GRHL1: variants seen among roughly 807,000 people sequenced by gnomAD.
The protein encoded by GRHL1 is grainyhead-like protein 1 homolog.
Under a neutral mutation model 75.7 loss-of-function variants are expected in GRHL1, and 38 were observed. The ratio of observed to expected loss-of-function variants is 0.50; its 90% CI spans 0.39 to 0.66. GRHL1 has a LOEUF of 0.66. GRHL1 is among the 30% of genes least tolerant of loss of function. The pLI is 0.00. For synonymous variants in GRHL1, 266 were observed against 279.4 expected (o/e 0.95, Z 0.48); for missense variants, 589 against 767.5 (o/e 0.77, Z 2.75).
At position 9,961,374 on chromosome 2, in the gene GRHL1, A is replaced by G. The variant is rs1667264494; in HGVS notation, c.607A>G (p.Asn203Asp). 1.9e-6 allele frequency: 3 copies of G among 1,614,144 alleles called. No homozygotes were observed. Among genetic ancestry groups the G allele is most frequent in the Non-Finnish European group, 2.5e-6 (3 of 1,180,002 alleles). ...DQFSSGAQAP[N>D]AQRRTPDSTF... ...GTTCAGCTCTGGTGCTCAAGCCCCA[A>G]ATGCTCAAAGGCGAACTCCAGACTC... Residue 203 changes from asparagine (N) to aspartate (D), a missense_variant, in exon 4 of 16, where the codon AAT (asparagine) becomes GAT (aspartate). This residue lies in a region of GRHL1 where 362 missense variants were observed against 461.8 expected (regional missense o/e 0.78). Coordinates refer to ENST00000324907, the MANE Select transcript of GRHL1 (RefSeq NM_198182.3).
At chr2:9,952,199 C>T (rs1666814742) in intron 1 of GRHL1, among the ~76,000 whole-genome samples, 1 of 152,006 alleles carries the variant, frequency 6.6e-6, no homozygotes, top group African/African-American at 2.4e-5. Context: ...CGGGGCGCAG[C>T]CAACGCCCCC....
intron 8 of GRHL1, among the ~76,000 whole-genome samples, chr2:9,980,025 G>C (rs1668124476): frequency 6.6e-6 from 1 of 152,200 alleles, no homozygotes; most frequent in Non-Finnish European, 1.5e-5. Flanking sequence ...GTCTTGGTTT[G>C]TGGTGTTGAT....
chr2:9,996,880 C>A (rs1424701682), intron 14 of GRHL1, among the ~76,000 whole-genome samples: 1 of 152,144 alleles, frequency 6.6e-6, no homozygotes, highest in South Asian at 2.1e-4. Context: ...GTCCATCTTA[C>A]GAGGATCTCA....
chr2:9,967,294 T>C (rs1667533618), intron 8 of GRHL1, among the ~76,000 whole-genome samples: 1 of 152,266 alleles, frequency 6.6e-6, no homozygotes, highest in African/African-American at 2.4e-5. Context: ...TCAGGATTAA[T>C]AAGCGCTTGT....
At chr2:9,985,226 G>C (rs952239669) in intron 8 of GRHL1, among the ~76,000 whole-genome samples, 3 of 152,164 alleles carry the variant, frequency 2.0e-5, no homozygotes, top group African/African-American at 7.2e-5. Context: ...TTAAGGAATT[G>C]GATTCTTCGT....
In GRHL1 at chr2:10,001,563, G is replaced by A. The variant is rs1669269865; in HGVS notation, c.*856G>A. ...TAGAATACTGTGCTTAGTGGAACCCGCTAAAAACCTTTTTCTCTGTTTTTC... is the reference window on the plus strand; with the variant it reads ...TAGAATACTGTGCTTAGTGGAACCCACTAAAAACCTTTTTCTCTGTTTTTC... On this transcript the variant is annotated 3_prime_UTR_variant, in exon 16 of 16. Coordinates refer to ENST00000324907, the MANE Select transcript of GRHL1 (RefSeq NM_198182.3). 6.6e-6 allele frequency: 1 copy of A among 152,120 alleles called. No homozygotes were observed. The highest frequency in any genetic ancestry group is 2.1e-4 in the South Asian group (1 of 4,826). The allele number at this position is 152,120 out of a possible 1,614,324, so 9.4% of individuals were successfully genotyped here. A position where few individuals can be genotyped will look rare whatever the true frequency, so the allele number is the denominator to read the frequency against.
intron 8 of GRHL1, among the ~76,000 whole-genome samples, chr2:9,967,784 T>A (rs774932768): frequency 6.6e-6 from 1 of 152,210 alleles, no homozygotes; most frequent in Non-Finnish European, 1.5e-5. Context: ...TGCAGAATCC[T>A]GTATAGTTGG....
At chr2:9,998,864 G>GTATATATATGTACACATATATATACGTA (rs1558321748) in intron 14 of GRHL1, 101 bp from the exon 15 acceptor site, 3 of 105,620 alleles carry the variant, frequency 2.8e-5, no homozygotes, top group East Asian at 2.3e-4. Context: ...ATATATATAC[G>GTATATATATGTACACATATATATACGTA]TATATATATG....
intron 8 of GRHL1, among the ~76,000 whole-genome samples, chr2:9,966,702 A>G (rs1667509522): frequency 1.3e-5 from 2 of 152,050 alleles, no homozygotes; most frequent in Non-Finnish European, 2.9e-5. Flanking sequence ...CTGGGTCTTG[A>G]GAGCCATGTT....
chr2:10,000,584 C>A lies in GRHL1; in HGVS notation c.1743-9C>A, dbSNP rs373525606. 19 of 1,563,466 alleles carry A rather than the reference C, an allele frequency of 1.2e-5. 1 individual carries two copies. Among genetic ancestry groups the A allele is most frequent in the Admixed American group, 1.0e-4 (6 of 59,702 alleles). On this transcript the variant is annotated splice_polypyrimidine_tract_variant and intron_variant, in intron 15 of 15. Coordinates refer to ENST00000324907, the MANE Select transcript of GRHL1 (RefSeq NM_198182.3). ...GTGAAGTTGGTTGGTCTTGTCCCCC[C>A]CCATCCAGGATCCTGGTGAACATGG... is the stretch of plus-strand genomic sequence containing the variant.
At position 9,998,699 on chromosome 2, in the gene GRHL1, T is replaced by TATATATACATATATATGTACACAC. The variant is rs1558320839; in HGVS notation, c.1678-257_1678-234dup. Among the ~76,000 whole-genome samples the TATATATACATATATATGTACACAC allele has an allele frequency of 5.2e-5, 3 of 58,228 alleles. 1 individual carries two copies. Among genetic ancestry groups the TATATATACATATATATGTACACAC allele is most frequent in the East Asian group, 4.2e-4 (1 of 2,382 alleles). The allele number at this position is 58,228 out of a possible 152,430, so 38.2% of individuals were successfully genotyped here. A position where few individuals can be genotyped will look rare whatever the true frequency, so the allele number is the denominator to read the frequency against. The stretch of plus-strand genomic sequence containing the variant: ...ATATATACATATATATGTACACACA[T>TATATATACATATATATGTACACAC]ATATATACATATATATGTACACACA... On this transcript the variant is annotated intron_variant, in intron 14 of 15. Coordinates refer to ENST00000324907, the MANE Select transcript of GRHL1 (RefSeq NM_198182.3).
chr2:9,994,823 G>A (rs1668786076), intron 12 of GRHL1, among the ~76,000 whole-genome samples: 1 of 152,106 alleles, frequency 6.6e-6, no homozygotes. Context: ...GTAGCCAGGC[G>A]TTCGTTCGAT....
intron 8 of GRHL1, among the ~76,000 whole-genome samples, chr2:9,982,562 C>T (rs1445172903): frequency 3.3e-5 from 5 of 152,196 alleles, no homozygotes; most frequent in Non-Finnish European, 7.3e-5. Flanking sequence ...GATTCTGAAA[C>T]TTTAGTGTGC....
At chr2:9,988,756 T>C (rs113801100) in intron 9 of GRHL1, among the ~76,000 whole-genome samples, 99 of 152,320 alleles carry the variant, frequency 6.5e-4, no homozygotes, top group African/African-American at 2.3e-3. Context: ...TGTTCTTTAG[T>C]TGCCTGCTGG....
In GRHL1 at chr2:9,978,679, T is replaced by C. The variant is rs138211570; in HGVS notation, c.1111-7445T>C. 3.9e-5 allele frequency among the ~76,000 whole-genome samples: 6 copies of C among 152,274 alleles called. No homozygotes were observed. In the East Asian group the frequency reaches 9.7e-4, roughly 24 times the overall value. On this transcript the variant is annotated intron_variant, in intron 8 of 15. Coordinates refer to ENST00000324907, the MANE Select transcript of GRHL1 (RefSeq NM_198182.3). ...GTCTTATGAACTTACTCTATTTTAG[T>C]TTGAAAATCAGGTCTTTAAAAAGGA...
rs772659262 is a variant in GRHL1 at position 9,964,221 on chromosome 2, A to G, written c.904-14A>G. On this transcript the variant is annotated splice_polypyrimidine_tract_variant and intron_variant, in intron 6 of 15. Coordinates refer to ENST00000324907, the MANE Select transcript of GRHL1 (RefSeq NM_198182.3). Reference sequence around the variant, plus strand: ...CTTTAGTGTCTTTATGTTGTAATGCATTCTCTTTCACAGAGTGTGATCATG... The same window carrying G: ...CTTTAGTGTCTTTATGTTGTAATGCGTTCTCTTTCACAGAGTGTGATCATG... The G allele has an allele frequency of 6.6e-7, 1 of 1,515,518 alleles. No homozygotes were observed. Among genetic ancestry groups the G allele is most frequent in the Admixed American group, 1.7e-5 (1 of 57,678 alleles). 93.9% of individuals were successfully genotyped at this position (1,515,518 alleles called of 1,614,324 possible).
At chr2:9,997,550 G>A (rs1024705556) in intron 14 of GRHL1, among the ~76,000 whole-genome samples, 7 of 152,150 alleles carry the variant, frequency 4.6e-5, no homozygotes, top group Middle Eastern at 6.8e-3. Flanking sequence ...GGCCAGGTGC[G>A]GTGGCTCACA....
chr2:9,999,519 C>T (rs887443598), intron 15 of GRHL1, among the ~76,000 whole-genome samples: 1 of 152,208 alleles, frequency 6.6e-6, no homozygotes, highest in African/African-American at 2.4e-5. Flanking sequence ...CTGAGCTGGT[C>T]TCAGGGCTTG....
Position 9,970,309 on chromosome 2 carries a change from G to T in GRHL1, c.1110+4928G>T, listed in dbSNP as rs183823067. 2.1e-3 allele frequency among the ~76,000 whole-genome samples: 322 copies of T among 152,290 alleles called. 1 individual carries two copies. The highest frequency in any genetic ancestry group is 0.014 in the Middle Eastern group (4 of 294). ...ACAGCAAGAACTTTCTGCCAGACAC[G>T]TGCCAAGCTCCTGCTGGAGTAAGTG... On this transcript the variant is annotated intron_variant, in intron 8 of 15. Coordinates refer to ENST00000324907, the MANE Select transcript of GRHL1 (RefSeq NM_198182.3).
Sources: gnomAD v4.1 joint callset for allele counts (sites outside exome capture counted in the v4.1 genomes callset) on GRCh38, gnomAD v4.1.1 for gene constraint, gnomAD v4.1.1 regional missense constraint, MANE v1.5 for transcripts, NCBI Gene and HGNC (gene_info 2026-07-23, HGNC 2026-07-21) for gene names.